Variants in ANKRD6 observed in about 807,000 individuals in gnomAD.
ANKRD6 encodes ankyrin repeat domain 6.
Under a neutral mutation model 82.3 loss-of-function variants are expected in ANKRD6, and 56 were observed. The ratio of observed to expected loss-of-function variants is 0.68; its 90% CI spans 0.55 to 0.85. The LOEUF (loss-of-function observed/expected upper bound fraction) is 0.85, where lower values mean the gene tolerates loss of function less well. Among genes scored for constraint, ANKRD6 ranks in the 40% least tolerant of loss-of-function variants. The probability of loss-of-function intolerance (pLI) is 0.00; values close to 1 mark genes in which losing one functional copy is unlikely to be tolerated. For synonymous variants in ANKRD6, 347 were observed against 352.1 expected (o/e 0.99, Z 0.16); for missense variants, 852 against 907.6 (o/e 0.94, Z 0.79).
At chr6:89,562,224 C>T (rs1345712993) in intron 1 of ANKRD6, among the ~76,000 whole-genome samples, 1 of 152,182 alleles carries the variant, frequency 6.6e-6, no homozygotes, top group African/African-American at 2.4e-5. Context: ...CTCCCTTCCC[C>T]CTCCCCGGCA....
chr6:89,551,647 C>G (rs1482880127), intron 1 of ANKRD6, among the ~76,000 whole-genome samples: 2 of 152,316 alleles, frequency 1.3e-5, no homozygotes, highest in Admixed American at 6.5e-5. Context: ...GAAGACCAAG[C>G]CTTTTGCTAT....
intron 2 of ANKRD6, among the ~76,000 whole-genome samples, chr6:89,570,818 C>G (rs746438963): frequency 2.6e-5 from 4 of 152,204 alleles, no homozygotes; most frequent in African/African-American, 4.8e-5. Flanking sequence ...GTTGCTACCG[C>G]CTTTTGCCTG....
At chr6:89,574,254 C>T (rs1790601701) in intron 2 of ANKRD6, among the ~76,000 whole-genome samples, 2 of 152,204 alleles carry the variant, frequency 1.3e-5, no homozygotes, top group South Asian at 4.1e-4. Flanking sequence ...GGGTATTTAG[C>T]AGCATCTGTG....
rs138426132 is a variant in ANKRD6, at chr6:89,632,386, T to C, written c.*1382T>C. The C allele has an allele frequency of 1.2e-4, 18 of 152,100 alleles. No individual in the cohort carries two copies. In the East Asian group the frequency reaches 2.1e-3, roughly 18 times the overall value. The allele number at this position is 152,100 out of a possible 1,614,324, so 9.4% of individuals were successfully genotyped here. ...TAAAAGAAAAATAATTCAGTAGATA[T>C]ATGTCACTGTTACCTGAATATGGAA... On this transcript the variant is annotated 3_prime_UTR_variant, in exon 16 of 16. Transcript: ENST00000339746.
At chr6:89,501,782 AT>A (rs1482338442) in intron 1 of ANKRD6, among the ~76,000 whole-genome samples, 1 of 151,696 alleles carries the variant, frequency 6.6e-6, no homozygotes, top group Non-Finnish European at 1.5e-5. Flanking sequence ...TATGATTCTT[AT>A]TTCATTTATT....
chr6:89,489,710 G>A (rs1562622141), intron 1 of ANKRD6, among the ~76,000 whole-genome samples: 2 of 152,222 alleles, frequency 1.3e-5, no homozygotes, highest in Non-Finnish European at 2.9e-5. Flanking sequence ...ATACAGGAGC[G>A]AGGACCTGTG....
intron 1 of ANKRD6, among the ~76,000 whole-genome samples, chr6:89,517,912 A>T (rs540163908): frequency 2.5e-4 from 38 of 152,230 alleles, no homozygotes; most frequent in African/African-American, 8.7e-4. Flanking sequence ...ACTTTTTTGG[A>T]TATACACTTC....
chr6:89,626,652 C>T (rs1805800519), intron 13 of ANKRD6, among the ~76,000 whole-genome samples: 2 of 152,332 alleles, frequency 1.3e-5, no homozygotes, highest in South Asian at 2.1e-4. Context: ...AGGAGGGGAG[C>T]TCACCAGTGA....
intron 1 of ANKRD6, among the ~76,000 whole-genome samples, chr6:89,492,473 A>G (rs1161735637): frequency 6.6e-6 from 1 of 152,140 alleles, no homozygotes; most frequent in Non-Finnish European, 1.5e-5. Flanking sequence ...GTTTGCAGGG[A>G]GAGTAATGCT....
At position 89,595,224 on chromosome 6, in the gene ANKRD6, G is replaced by A. The variant is rs551205594; in HGVS notation, c.121-692G>A. 5.9e-5 allele frequency among the ~76,000 whole-genome samples: 9 copies of A among 152,288 alleles called. No individual in the cohort carries two copies. In the South Asian group the frequency reaches 1.9e-3, roughly 32 times the overall value. On this transcript the variant is annotated intron_variant, in intron 2 of 15. Transcript: ENST00000339746. The stretch of plus-strand genomic sequence containing the variant: ...TTGAAATACAGAAATTAGCTAGGTG[G>A]TAGTGGTGTGCACCTGTAATTCCAG...
chr6:89,490,878 A>AAT (rs1777937530), intron 1 of ANKRD6, among the ~76,000 whole-genome samples: 2 of 152,118 alleles, frequency 1.3e-5, no homozygotes, highest in South Asian at 4.1e-4. Flanking sequence ...GGAGCCTGTG[A>AAT]ATATTCCCTT....
intron 1 of ANKRD6, among the ~76,000 whole-genome samples, chr6:89,436,204 G>C (rs1770615457): frequency 6.6e-6 from 1 of 152,246 alleles, no homozygotes; most frequent in South Asian, 2.1e-4. Context: ...CTAACCGTAT[G>C]TGTGTGCCTA....
intron 1 of ANKRD6, among the ~76,000 whole-genome samples, chr6:89,450,405 C>G (rs913702904): frequency 6.6e-6 from 1 of 152,134 alleles, no homozygotes. Flanking sequence ...CAACGATCAC[C>G]CTGATCAGTC....
rs757782582 is a variant in ANKRD6, at chr6:89,631,023, A to G, written c.*19A>G. On this transcript the variant is annotated 3_prime_UTR_variant, in exon 16 of 16. Transcript: ENST00000339746. The stretch of plus-strand genomic sequence containing the variant: ...AAATTAGCACCAATAAAGAGGAAAT[A>G]TGAAAGGATTCTTGAAGATTTCCAG... 13 of 1,483,946 alleles carry G rather than the reference A, an allele frequency of 8.8e-6. No homozygotes were observed. The highest frequency in any genetic ancestry group is 1.2e-5 in the Non-Finnish European group (13 of 1,120,634). 91.9% of individuals were successfully genotyped at this position (1,483,946 alleles called of 1,614,324 possible). A position where few individuals can be genotyped will look rare whatever the true frequency, so the allele number is the denominator to read the frequency against.
intron 3 of ANKRD6, among the ~76,000 whole-genome samples, chr6:89,599,847 C>CT (rs1342079402): frequency 6.6e-6 from 1 of 152,094 alleles, no homozygotes; most frequent in Admixed American, 6.5e-5. Flanking sequence ...GTCAGCACAG[C>CT]TAGCAGTACA....
chr6:89,517,404 A>C (rs1562698778), intron 1 of ANKRD6, among the ~76,000 whole-genome samples: 2 of 152,260 alleles, frequency 1.3e-5, no homozygotes, highest in East Asian at 3.8e-4. Context: ...GTGAAAAGGC[A>C]CATAATAGAA....
At chr6:89,551,403 G>A (rs1785829234) in intron 1 of ANKRD6, among the ~76,000 whole-genome samples, 1 of 152,160 alleles carries the variant, frequency 6.6e-6, no homozygotes, top group African/African-American at 2.4e-5. Flanking sequence ...TCCAAGAGGC[G>A]ATCTGGCTGA....
At chr6:89,454,914 C>T (rs1386301691) in intron 1 of ANKRD6, among the ~76,000 whole-genome samples, 2 of 152,180 alleles carry the variant, frequency 1.3e-5, no homozygotes, top group Non-Finnish European at 1.5e-5. Flanking sequence ...GATCTCAGCT[C>T]ACTGGAACCT....
chr6:89,523,571 G>T (rs1782124965), intron 1 of ANKRD6, among the ~76,000 whole-genome samples: 1 of 152,098 alleles, frequency 6.6e-6, no homozygotes, highest in South Asian at 2.1e-4. Context: ...TTTATTTAGT[G>T]CCCTTCTGGA....
Sources: allele counts gnomAD v4.1 joint callset (sites outside exome capture counted in the v4.1 genomes callset), GRCh38; gene constraint gnomAD v4.1.1; transcripts MANE v1.5; gene names NCBI Gene and HGNC (gene_info 2026-07-23, HGNC 2026-07-21).